The following RANBP2 variants were observed in gnomAD, a reference collection of about 807,000 sequenced individuals.
RANBP2 encodes E3 SUMO-protein ligase RanBP2.
Under a neutral mutation model 303.6 loss-of-function variants are expected in RANBP2, and 57 were observed. The ratio of observed to expected loss-of-function variants is 0.19; its 90% CI spans 0.15 to 0.23. The LOEUF (loss-of-function observed/expected upper bound fraction) is 0.23, where lower values mean the gene tolerates loss of function less well. Ranked by LOEUF, RANBP2 falls within the 10% of genes least tolerant of loss-of-function variation. The pLI is 1.00. For missense variants in RANBP2, 3,138 were observed against 3,780.8 expected, an observed-to-expected ratio of 0.83 and a Z score of 4.46; for synonymous variants, 1,167 against 1,301.5, an observed-to-expected ratio of 0.90 and a Z score of 2.23.
the RANBP2 span, among the ~76,000 whole-genome samples, chr2:109,162,482 T>G: frequency 1.3e-5 from 2 of 152,262 alleles, no homozygotes; most frequent in African/African-American, 2.4e-5. Context: ...GTTACCTATG[T>G]ATACATGTGC....
chr2:109,562,366 A>C, the RANBP2 span, among the ~76,000 whole-genome samples: 1 of 149,098 alleles, frequency 6.7e-6, no homozygotes, highest in African/African-American at 2.5e-5. Flanking sequence ...CCCCACTTCC[A>C]CCTGCCCCCC....
chr2:109,633,452 G>A, the RANBP2 span, among the ~76,000 whole-genome samples: 1 of 151,756 alleles, frequency 6.6e-6, no homozygotes, highest in Non-Finnish European at 1.5e-5. Context: ...GAAGGTAACA[G>A]GCAGGAAATG....
At chr2:109,765,367 G>A in the RANBP2 span, among the ~76,000 whole-genome samples, 6 of 150,346 alleles carry the variant, frequency 4.0e-5, no homozygotes, top group African/African-American at 1.5e-4. Flanking sequence ...GATATTTCCT[G>A]TCCTCTTTCT....
At chr2:109,611,908 T>C in the RANBP2 span, among the ~76,000 whole-genome samples, 1 of 152,222 alleles carries the variant, frequency 6.6e-6, no homozygotes, top group South Asian at 2.1e-4. Flanking sequence ...ACAGCCATTC[T>C]GAGAAAGTCT....
At chr2:108,799,067 G>A in the RANBP2 span, among the ~76,000 whole-genome samples, 1 of 152,028 alleles carries the variant, frequency 6.6e-6, no homozygotes, top group African/African-American at 2.4e-5. Flanking sequence ...GGGGTTGTTT[G>A]TTTGATCAAG....
At chr2:108,861,228 T>C in the RANBP2 span, among the ~76,000 whole-genome samples, 1 of 151,816 alleles carries the variant, frequency 6.6e-6, no homozygotes, top group Non-Finnish European at 1.5e-5. Flanking sequence ...TTTTTTTCTT[T>C]GTTGATCTAG....
At chr2:108,876,343 TATC>T in the RANBP2 span, 2 of 679,158 alleles carry the variant, frequency 2.9e-6, no homozygotes, top group Admixed American at 5.4e-5. Context: ...CAAGTAAAGT[TATC>T]AGTAGCATCA....
the RANBP2 span, chr2:109,347,650 C>A: frequency 6.2e-7 from 1 of 1,609,680 alleles, no homozygotes; most frequent in Non-Finnish European, 8.5e-7. Context: ...TGCCCGGTGA[C>A]CACATGCTGT....
At chr2:109,298,495 G>A in the RANBP2 span, among the ~76,000 whole-genome samples, 9 of 152,144 alleles carry the variant, frequency 5.9e-5, no homozygotes, top group African/African-American at 2.2e-4. Flanking sequence ...GGTGGGGGAT[G>A]ATTTAGGTCA....
the RANBP2 span, chr2:108,930,080 C>T: frequency 1.9e-6 from 3 of 1,596,686 alleles, no homozygotes; most frequent in South Asian, 2.2e-5. Flanking sequence ...GGAGGCCTCC[C>T]CTGAGAGCGC....
At chr2:109,106,345 T>A in the RANBP2 span, among the ~76,000 whole-genome samples, 1 of 152,080 alleles carries the variant, frequency 6.6e-6, no homozygotes, top group Non-Finnish European at 1.5e-5. Context: ...GCCACCTCAT[T>A]TCGTTTAAGA....
At chr2:109,629,234 AT>A in the RANBP2 span, among the ~76,000 whole-genome samples, 3 of 112,170 alleles carry the variant, frequency 2.7e-5, no homozygotes, top group Admixed American at 9.1e-5. Context: ...AAATAAATAA[AT>A]AAAATGCTTA....
chr2:108,919,051 A>G, the RANBP2 span, among the ~76,000 whole-genome samples: 1 of 152,068 alleles, frequency 6.6e-6, no homozygotes, highest in Non-Finnish European at 1.5e-5. Context: ...GTCAGAATCC[A>G]TTGCTCAGCG....
At chr2:109,342,300 A>C in the RANBP2 span, among the ~76,000 whole-genome samples, 1 of 152,214 alleles carries the variant, frequency 6.6e-6, no homozygotes, top group African/African-American at 2.4e-5. Context: ...TGGGCCAAAT[A>C]GAGGCTGTGA....
chr2:109,277,423 C>T, the RANBP2 span, among the ~76,000 whole-genome samples: 53,133 of 152,070 alleles, frequency 0.35, 9,399 homozygotes, highest in South Asian at 0.41. Flanking sequence ...TCAATTACTA[C>T]GACTGTATAA....
At chr2:109,409,250 G>A in the RANBP2 span, among the ~76,000 whole-genome samples, 4 of 152,202 alleles carry the variant, frequency 2.6e-5, no homozygotes, top group Non-Finnish European at 4.4e-5. Flanking sequence ...GAAAGGGGAA[G>A]AGGTTCATCT....
intron 17 of RANBP2, 117 bp downstream of exon 17, chr2:108,755,376 C>T (rs1470553701): frequency 6.9e-7 from 1 of 1,441,296 alleles, no homozygotes; most frequent in African/African-American, 1.4e-5. Context: ...AATAGTATGG[C>T]AAGGGGACAT....
At chr2:109,158,439 G>T in the RANBP2 span, among the ~76,000 whole-genome samples, 5 of 152,292 alleles carry the variant, frequency 3.3e-5, no homozygotes, top group Non-Finnish European at 7.3e-5. Flanking sequence ...ATCCTGGGGG[G>T]CAGGTTCAGC....
chr2:109,235,916 C>T, the RANBP2 span, among the ~76,000 whole-genome samples: 2 of 152,106 alleles, frequency 1.3e-5, no homozygotes, highest in Admixed American at 6.5e-5. Flanking sequence ...ACTGCCCTTA[C>T]TTTAAGAGGC....
Sources: gnomAD v4.1 joint callset for allele counts (sites outside exome capture counted in the v4.1 genomes callset) on GRCh38, gnomAD v4.1.1 for gene constraint, MANE v1.5 for transcripts, NCBI Gene and HGNC (gene_info 2026-07-23, HGNC 2026-07-21) for gene names.